NTRK3: variants seen among roughly 807,000 people sequenced by gnomAD.
NTRK3 encodes the protein neurotrophic receptor tyrosine kinase 3, also known as NT-3 growth factor receptor.
Under a neutral mutation model 91.7 loss-of-function variants are expected in NTRK3, and 24 were observed. That is an observed-to-expected ratio of 0.26 (90% CI 0.19 to 0.37). The LOEUF is 0.37. Among genes scored for constraint, NTRK3 ranks in the 10% least tolerant of loss-of-function variants. The probability of loss-of-function intolerance (pLI) is 1.00; values close to 1 mark genes in which losing one functional copy is unlikely to be tolerated. For missense variants in NTRK3, 880 were observed against 1,068.9 expected, an observed-to-expected ratio of 0.82 and a Z score of 2.46; for synonymous variants, 483 against 404.0, an observed-to-expected ratio of 1.20 and a Z score of -2.34.
chr15:88,218,777 C>T (rs79847056), intron 3 of NTRK3, among the ~76,000 whole-genome samples: 3,820 of 152,310 alleles, frequency 0.025, 193 homozygotes, highest in African/African-American at 0.087. Flanking sequence ...GCATCTGCTC[C>T]GGTCACAGGA....
chr15:88,094,749 G>A (rs574943360), intron 13 of NTRK3, among the ~76,000 whole-genome samples: 1 of 152,334 alleles, frequency 6.6e-6, no homozygotes, highest in Admixed American at 6.5e-5. Context: ...CAAGGCCCCA[G>A]TGCCCTGCAG....
intron 14 of NTRK3, among the ~76,000 whole-genome samples, chr15:87,975,002 G>A (rs541681281): frequency 7.2e-5 from 11 of 152,308 alleles, no homozygotes; most frequent in African/African-American, 2.6e-4. Flanking sequence ...CAGTCCCCCT[G>A]TCAGTCCTGG....
intron 14 of NTRK3, among the ~76,000 whole-genome samples, chr15:87,955,344 C>T (rs1416993250): frequency 6.6e-6 from 1 of 152,190 alleles, no homozygotes; most frequent in Non-Finnish European, 1.5e-5. Flanking sequence ...CTCTGACTGC[C>T]CTAGGCCATA....
chr15:87,929,676 T>C (rs1209303205), intron 16 of NTRK3, among the ~76,000 whole-genome samples: 1 of 152,222 alleles, frequency 6.6e-6, no homozygotes, highest in Non-Finnish European at 1.5e-5. Context: ...GAAGAGGGAA[T>C]AAACCTACTC....
chr15:87,962,223 CAT>C (rs954592665), intron 14 of NTRK3, among the ~76,000 whole-genome samples: 4 of 152,198 alleles, frequency 2.6e-5, no homozygotes, highest in African/African-American at 9.6e-5. Context: ...CTTGCCCGTG[CAT>C]ATGTTTGGGC....
intron 13 of NTRK3, among the ~76,000 whole-genome samples, chr15:88,071,824 GT>G (rs1567336140): frequency 6.6e-6 from 1 of 152,048 alleles, no homozygotes; most frequent in Non-Finnish European, 1.5e-5. Flanking sequence ...GAGAATTTTT[GT>G]TTTTGTGTTT....
intron 13 of NTRK3, among the ~76,000 whole-genome samples, chr15:88,117,788 T>C (rs1026043961): frequency 6.6e-6 from 1 of 152,232 alleles, no homozygotes; most frequent in Non-Finnish European, 1.5e-5. Flanking sequence ...TTGGTTGGTC[T>C]CTCTCTAAGT....
At chr15:88,187,770 C>T (rs1037399613) in intron 3 of NTRK3, among the ~76,000 whole-genome samples, 7 of 151,890 alleles carry the variant, frequency 4.6e-5, no homozygotes, top group African/African-American at 1.2e-4. Context: ...CCTGTCTCTA[C>T]TAAAAATACA....
intron 14 of NTRK3, among the ~76,000 whole-genome samples, chr15:88,029,843 C>T (rs1179962709): frequency 1.3e-5 from 2 of 152,208 alleles, no homozygotes; most frequent in African/African-American, 4.8e-5. Context: ...CTGATGAAGG[C>T]TTGGTTAATC....
In NTRK3 at chr15:88,213,395, A is replaced by G. The variant is rs56735327; in HGVS notation, c.249-29096T>C. 8.9e-3 allele frequency among the ~76,000 whole-genome samples: 1,348 copies of G among 152,282 alleles called. 15 individuals carry two copies. Among genetic ancestry groups the G allele is most frequent in the African/African-American group, 0.031 (1,286 of 41,568 alleles). ...ATAAAATAAAGGCGGGACAAGGACAATGAAAGAGGAACAGGGGGACAAGCT... is the reference window on the plus strand; with the variant it reads ...ATAAAATAAAGGCGGGACAAGGACAGTGAAAGAGGAACAGGGGGACAAGCT... On this transcript the variant is annotated intron_variant, in intron 3 of 18. Transcript: ENST00000394480.
At chr15:87,925,253 G>T (rs2068194122) in intron 17 of NTRK3, among the ~76,000 whole-genome samples, 1 of 152,160 alleles carries the variant, frequency 6.6e-6, no homozygotes, top group African/African-American at 2.4e-5. Flanking sequence ...ATGTGTAACA[G>T]GAAATTAGGC....
In NTRK3 at chr15:88,255,892, GC is replaced by G; in HGVS notation, c.248+13del. On this transcript the variant is annotated intron_variant, in intron 3 of 18. Coordinates refer to ENST00000394480, the Ensembl canonical transcript of NTRK3. This position sits in a 1 kb window ranked among gnomAD's most constrained non-coding sequence, Gnocchi z 4.3. ...CGCGGGGGAGGCAGGCTGGGGAGCGGCCGCCTGACTTACATGGAAGTGATAT... is the reference window on the plus strand; with the variant it reads ...CGCGGGGGAGGCAGGCTGGGGAGCGGCGCCTGACTTACATGGAAGTGATAT... 6.3e-7 allele frequency: 1 copy of G among 1,597,626 alleles called. No homozygotes were observed.
At chr15:88,118,108 C>A (rs1597410648) in intron 13 of NTRK3, among the ~76,000 whole-genome samples, 1 of 152,306 alleles carries the variant, frequency 6.6e-6, no homozygotes, top group Admixed American at 6.5e-5. Flanking sequence ...GGTTTTTCTT[C>A]CCTAGTCCAA....
At chr15:87,932,934 T>A in intron 16 of NTRK3, 78 bp downstream of exon 16, 1 of 1,470,706 alleles carries the variant, frequency 6.8e-7, no homozygotes, top group Non-Finnish European at 9.5e-7. Context: ...GGGGGTAGTA[T>A]AATTTCTGGC....
At position 87,954,020 on chromosome 15, in the gene NTRK3, G is replaced by A. The variant is rs946272546; in HGVS notation, c.1586-13267C>T. Among the ~76,000 whole-genome samples, 77 of 130,986 alleles carry A rather than the reference G, an allele frequency of 5.9e-4. No homozygotes were observed. In the Middle Eastern group the frequency reaches 0.01, roughly 18 times the overall value. The allele number at this position is 130,986 out of a possible 152,430, so 85.9% of individuals were successfully genotyped here. A position where few individuals can be genotyped will look rare whatever the true frequency, so the allele number is the denominator to read the frequency against. On this transcript the variant is annotated intron_variant, in intron 14 of 18. Coordinates refer to ENST00000394480, the Ensembl canonical transcript of NTRK3. ...CCAGACCTTTTCAGTGTGTGTGTGTGTGTGTGTGTGTGTGTGTGTGTGTGT... is the reference window on the plus strand; with the variant it reads ...CCAGACCTTTTCAGTGTGTGTGTGTATGTGTGTGTGTGTGTGTGTGTGTGT...
At chr15:88,201,833 C>T (rs2048329314) in intron 3 of NTRK3, among the ~76,000 whole-genome samples, 1 of 152,160 alleles carries the variant, frequency 6.6e-6, no homozygotes, top group African/African-American at 2.4e-5. Context: ...TGGGTCTGCT[C>T]ATAAGGGGTT....
chr15:87,879,319 C>T (rs2065114270), intron 18 of NTRK3, among the ~76,000 whole-genome samples: 1 of 152,178 alleles, frequency 6.6e-6, no homozygotes. Flanking sequence ...TGCGATGTTT[C>T]ATAGGGATGT....
intron 3 of NTRK3, among the ~76,000 whole-genome samples, chr15:88,249,167 G>A (rs538009947): frequency 2.0e-5 from 3 of 152,280 alleles, no homozygotes; most frequent in African/African-American, 7.2e-5. Flanking sequence ...AGCCAGGCAG[G>A]AGGACTGGGG....
intron 14 of NTRK3, chr15:87,979,504 A>G (rs1567177897): frequency 6.9e-7 from 1 of 1,443,390 alleles, no homozygotes; most frequent in Admixed American, 1.7e-5. Context: ...AAAAAGCAAA[A>G]TAAAGTAAAA....
Sources: gnomAD v4.1 joint callset for allele counts (sites outside exome capture counted in the v4.1 genomes callset) on GRCh38, gnomAD v4.1.1 for gene constraint, Gnocchi (gnomAD v3.1) non-coding constraint, MANE v1.5 for transcripts, NCBI Gene and HGNC (gene_info 2026-07-23, HGNC 2026-07-21) for gene names.